Variants in PCGF5 observed in about 807,000 individuals in gnomAD.
PCGF5 encodes polycomb group ring finger 5, also known as polycomb group RING finger protein 5.
PCGF5 carries 9 observed loss-of-function variants against 44.3 expected under a neutral mutation model. The observed-to-expected ratio is 0.20, with a 90% CI of 0.12 to 0.35. PCGF5 has a LOEUF of 0.35. PCGF5 is among the 10% of genes least tolerant of loss of function. The pLI is 1.00. For synonymous variants in PCGF5, 95 were observed against 102.5 expected (o/e 0.93, Z 0.44); for missense variants, 146 against 305.3 (o/e 0.48, Z 3.89).
At chr10:91,201,746 C>T (rs1431132668) in intron 1 of PCGF5, among the ~76,000 whole-genome samples, 3 of 149,112 alleles carry the variant, frequency 2.0e-5, no homozygotes, top group African/African-American at 7.4e-5. Flanking sequence ...TTTTAAGAAA[C>T]CCATCTTGGA....
At chr10:91,276,499 C>A (rs1169910331) in intron 9 of PCGF5, among the ~76,000 whole-genome samples, 2 of 152,082 alleles carry the variant, frequency 1.3e-5, no homozygotes, top group Non-Finnish European at 2.9e-5. Context: ...AACCAAAACA[C>A]AAATAGAACT....
intron 2 of PCGF5, chr10:91,227,237 T>TC: frequency 2.3e-6 from 1 of 432,118 alleles, no homozygotes; most frequent in Non-Finnish European, 4.5e-6. Context: ...AGATGTATGT[T>TC]CTTTTTTTTT....
At chr10:91,227,499 C>A in intron 2 of PCGF5, 2 of 1,269,770 alleles carry the variant, frequency 1.6e-6, no homozygotes, top group South Asian at 1.3e-5. Context: ...CAAAGTCCTG[C>A]TGGTCTCTCT....
At chr10:91,200,570 C>T (rs1844233567) in intron 1 of PCGF5, among the ~76,000 whole-genome samples, 1 of 152,054 alleles carries the variant, frequency 6.6e-6, no homozygotes, top group Non-Finnish European at 1.5e-5. Flanking sequence ...GGGACTGTGC[C>T]AGAAGGGAAG....
intron 1 of PCGF5, among the ~76,000 whole-genome samples, chr10:91,212,883 A>G (rs1466551542): frequency 6.6e-6 from 1 of 152,190 alleles, no homozygotes; most frequent in Non-Finnish European, 1.5e-5. Flanking sequence ...AAAGATCTGA[A>G]TAAGTTGTGC....
At chr10:91,219,562 T>C (rs1844614003), upstream of PCGF5, among the ~76,000 whole-genome samples, 1 of 152,240 alleles carries the variant, frequency 6.6e-6, no homozygotes, top group African/African-American at 2.4e-5. Context: ...ACTTGTTTTC[T>C]CTTACTCATT....
At chr10:91,213,995 T>A (rs1844498230) in intron 1 of PCGF5, among the ~76,000 whole-genome samples, 1 of 152,072 alleles carries the variant, frequency 6.6e-6, no homozygotes, top group South Asian at 2.1e-4. Context: ...TCAGTAAGAC[T>A]CATGTCCTTA....
In PCGF5 at chr10:91,195,244, G is replaced by A. The variant is rs142468863; in HGVS notation, c.-183-27445G>A. ...AAAGGAGTAAATGCCACCATACACC[G>A]TTGAAAAAAGTGCCTCTGAACATTA... is the stretch of plus-strand genomic sequence containing the variant. On this transcript the variant is annotated intron_variant, in intron 1 of 9. Transcript: ENST00000614189. Among the ~76,000 whole-genome samples, 844 of 151,288 alleles carry A rather than the reference G, an allele frequency of 5.6e-3. 5 individuals are homozygous for A. The highest frequency in any genetic ancestry group is 0.019 in the African/African-American group (774 of 41,182).
At chr10:91,239,652 G>T (rs181530777) in intron 2 of PCGF5, among the ~76,000 whole-genome samples, 22 of 152,238 alleles carry the variant, frequency 1.4e-4, no homozygotes, top group African/African-American at 4.8e-4. Flanking sequence ...TATAGTTCAG[G>T]TACTGTAAAT....
In PCGF5 at chr10:91,270,020, T is replaced by C. The variant is rs1846140547; in HGVS notation, c.664-1618T>C. Reference sequence around the variant, plus strand: ...ATGAAATATTATATACTGAAGTGTTTAGCAGAGTGTCTGACATAAATGTTA... The same window carrying C: ...ATGAAATATTATATACTGAAGTGTTCAGCAGAGTGTCTGACATAAATGTTA... On this transcript the variant is annotated intron_variant, in intron 8 of 9. Coordinates refer to ENST00000336126, the MANE Select transcript of PCGF5 (RefSeq NM_032373.5). 3.3e-5 allele frequency among the ~76,000 whole-genome samples: 5 copies of C among 152,234 alleles called. No individual in the cohort carries two copies. The South Asian group carries it at 8.3e-4, about 25-fold the overall frequency.
In PCGF5 at chr10:91,278,466, G is replaced by A; in HGVS notation, c.*150G>A. 1 of 695,782 alleles carries A rather than the reference G, an allele frequency of 1.4e-6. No homozygotes were observed. Among genetic ancestry groups the A allele is most frequent in the Non-Finnish European group, 2.5e-6 (1 of 395,178 alleles). 43.1% of individuals were successfully genotyped at this position (695,782 alleles called of 1,614,324 possible). On this transcript the variant is annotated 3_prime_UTR_variant, in exon 10 of 10. Coordinates refer to ENST00000336126, the MANE Select transcript of PCGF5 (RefSeq NM_032373.5). The stretch of plus-strand genomic sequence containing the variant: ...ATTGTCTATCTCTAAATTGTCAGTT[G>A]CATTCATGTTGTTTCTATTAGGAGC...
intron 1 of PCGF5, among the ~76,000 whole-genome samples, chr10:91,199,134 G>A (rs1167132469): frequency 6.6e-6 from 1 of 152,174 alleles, no homozygotes; most frequent in Admixed American, 6.5e-5. Flanking sequence ...GGGTCTTACA[G>A]CATTCAAGGG....
At chr10:91,257,012 C>G (rs973509356) in intron 6 of PCGF5, among the ~76,000 whole-genome samples, 3 of 151,910 alleles carry the variant, frequency 2.0e-5, no homozygotes, top group African/African-American at 7.3e-5. Context: ...TCAAAGGACA[C>G]TTAAAGTGAA....
intron 1 of PCGF5, among the ~76,000 whole-genome samples, chr10:91,202,460 A>G (rs1422158098): frequency 1.3e-5 from 2 of 152,248 alleles, no homozygotes; most frequent in African/African-American, 4.8e-5. Flanking sequence ...AATACAAAGT[A>G]GTTAACAGGA....
At chr10:91,185,208 T>TA (rs1843897459) in intron 1 of PCGF5, among the ~76,000 whole-genome samples, 1 of 151,918 alleles carries the variant, frequency 6.6e-6, no homozygotes, top group Admixed American at 6.5e-5. Flanking sequence ...AAAACACCAG[T>TA]GGGGTGGCTG....
At chr10:91,215,722 A>G (rs1331430423), upstream of PCGF5, among the ~76,000 whole-genome samples, 1 of 152,208 alleles carries the variant, frequency 6.6e-6, no homozygotes, top group African/African-American at 2.4e-5. Flanking sequence ...ATTACCATTC[A>G]TTTGTAACTG....
intron 1 of PCGF5, among the ~76,000 whole-genome samples, chr10:91,172,660 A>G (rs1469108031): frequency 2.0e-5 from 3 of 152,238 alleles, no homozygotes; most frequent in East Asian, 3.8e-4. Flanking sequence ...ACCCTTGAAC[A>G]TAGGTTATTG....
At chr10:91,259,931 A>C (rs533967374) in intron 6 of PCGF5, among the ~76,000 whole-genome samples, 1 of 151,954 alleles carries the variant, frequency 6.6e-6, no homozygotes, top group South Asian at 2.1e-4. Flanking sequence ...TAAAACACCA[A>C]AAGCAATGGT....
At chr10:91,256,401 A>G (rs772401063) in intron 6 of PCGF5, among the ~76,000 whole-genome samples, 11 of 152,110 alleles carry the variant, frequency 7.2e-5, no homozygotes, top group Non-Finnish European at 1.2e-4. Context: ...TCTGAGAAAC[A>G]GAAAAATAGA....
Sources: gnomAD v4.1 joint callset for allele counts (sites outside exome capture counted in the v4.1 genomes callset) on GRCh38, gnomAD v4.1.1 for gene constraint, MANE v1.5 for transcripts, NCBI Gene and HGNC (gene_info 2026-07-23, HGNC 2026-07-21) for gene names.